STAU2: variants seen among roughly 807,000 people sequenced by gnomAD.
The protein encoded by STAU2 is staufen double-stranded RNA binding protein 2, also known as double-stranded RNA-binding protein Staufen homolog 2.
STAU2 carries 20 observed loss-of-function variants against 65.9 expected under a neutral mutation model. The observed-to-expected ratio is 0.30, with a 90% CI of 0.21 to 0.44. STAU2 has a LOEUF of 0.44. Ranked by LOEUF, STAU2 falls within the 20% of genes least tolerant of loss-of-function variation. The pLI is 1.00. For synonymous variants in STAU2, 232 were observed against 233.9 expected (o/e 0.99, Z 0.07); for missense variants, 558 against 683.9 (o/e 0.82, Z 2.05).
At chr8:73,602,714 C>T (rs1480810745) in intron 10 of STAU2, among the ~76,000 whole-genome samples, 1 of 149,290 alleles carries the variant, frequency 6.7e-6, no homozygotes, top group Non-Finnish European at 1.5e-5. Context: ...CAGAACAAGA[C>T]CCTGTTGCCC....
At chr8:73,674,213 G>C (rs904101150) in intron 5 of STAU2, among the ~76,000 whole-genome samples, 1 of 149,966 alleles carries the variant, frequency 6.7e-6, no homozygotes, top group African/African-American at 2.4e-5. Context: ...TTGAAAACAT[G>C]AATTTTTTGC....
chr8:73,684,951 T>G (rs1448192788), intron 5 of STAU2, among the ~76,000 whole-genome samples: 1 of 152,176 alleles, frequency 6.6e-6, no homozygotes, highest in African/African-American at 2.4e-5. Context: ...CATCTTGAAT[T>G]GTAATCCCCA....
At chr8:73,476,360 G>T (rs982810618) in intron 13 of STAU2, among the ~76,000 whole-genome samples, 2 of 152,122 alleles carry the variant, frequency 1.3e-5, no homozygotes, top group African/African-American at 4.8e-5. Flanking sequence ...ATTTCTATTT[G>T]TAAATGGTAA....
chr8:73,686,609 G>A (rs1818847042), intron 5 of STAU2, among the ~76,000 whole-genome samples: 1 of 151,534 alleles, frequency 6.6e-6, no homozygotes, highest in South Asian at 2.1e-4. Flanking sequence ...GGGAATGAGG[G>A]GTAAAGACTA....
intron 13 of STAU2, among the ~76,000 whole-genome samples, chr8:73,443,962 T>C (rs146324625): frequency 2.2e-4 from 34 of 152,126 alleles, no homozygotes; most frequent in African/African-American, 8.0e-4. Flanking sequence ...CCCAAGTAGG[T>C]GTTCCTGGGC....
chr8:73,744,436 C>G (rs531378971), intron 1 of STAU2, among the ~76,000 whole-genome samples: 1 of 144,768 alleles, frequency 6.9e-6, no homozygotes, highest in Admixed American at 7.2e-5. Context: ...CAGCACTGAA[C>G]GTGCACAAAA....
chr8:73,547,910 A>G (rs775201440), intron 13 of STAU2, among the ~76,000 whole-genome samples: 8 of 151,804 alleles, frequency 5.3e-5, no homozygotes, highest in Non-Finnish European at 1.0e-4. Context: ...AAAAGAATTG[A>G]AAAAAAACCA....
intron 4 of STAU2, among the ~76,000 whole-genome samples, chr8:73,700,634 A>T (rs1396987440): frequency 6.6e-6 from 1 of 152,128 alleles, no homozygotes; most frequent in Non-Finnish European, 1.5e-5. Flanking sequence ...GATCTCTACA[A>T]TGAAAACTAT....
rs34533172 is a variant in STAU2, at chr8:73,591,882, TAAAAAAAAAAAAAAA to T, written c.1161+3269_1161+3283del. On this transcript the variant is annotated intron_variant, in intron 11 of 14. Transcript: ENST00000524300. ...ACCCATACAGCGTGTATCCCAGAGG[TAAAAAAAAAAAAAAA>T]AAAAAAAAAAAAAAAAACAAGAGAG... is the stretch of plus-strand genomic sequence containing the variant. 3.3e-3 allele frequency among the ~76,000 whole-genome samples: 93 copies of T among 28,488 alleles called. 3 individuals are homozygous for T. Among genetic ancestry groups the T allele is most frequent in the Admixed American group, 9.8e-3 (16 of 1,634 alleles). 18.7% of individuals were successfully genotyped at this position (28,488 alleles called of 152,430 possible).
intron 13 of STAU2, among the ~76,000 whole-genome samples, chr8:73,512,750 C>T (rs7818404): frequency 0.75 from 113,470 of 152,106 alleles, 42,983 homozygotes; most frequent in East Asian, 0.91. Flanking sequence ...CAAAGCTACA[C>T]GCTGATCTAT....
Position 73,545,635 on chromosome 8 carries a change from C to CTT in STAU2, c.1530+6375_1530+6376dup, listed in dbSNP as rs59727847. Among the ~76,000 whole-genome samples, 52 of 136,920 alleles carry CTT rather than the reference C, an allele frequency of 3.8e-4. 1 individual carries two copies. Among genetic ancestry groups the CTT allele is most frequent in the South Asian group, 1.2e-3 (5 of 4,332 alleles). 89.8% of individuals were successfully genotyped at this position (136,920 alleles called of 152,430 possible). Reference sequence around the variant, plus strand: ...CTTCCATCTCAAAGGAGTCAGAATTCTTTTTTTTTTTTTTTTAATATATAT... The same window carrying CTT: ...CTTCCATCTCAAAGGAGTCAGAATTCTTTTTTTTTTTTTTTTTTAATATATAT... On this transcript the variant is annotated intron_variant, in intron 13 of 14. Coordinates refer to ENST00000524300, the MANE Select transcript of STAU2 (RefSeq NM_001164380.2).
chr8:73,657,146 C>T (rs1470668095), intron 6 of STAU2, among the ~76,000 whole-genome samples: 1 of 152,146 alleles, frequency 6.6e-6, no homozygotes, highest in Non-Finnish European at 1.5e-5. Context: ...ACACATCACT[C>T]TCAGTACAAC....
intron 12 of STAU2, among the ~76,000 whole-genome samples, chr8:73,572,716 C>T (rs545894081): frequency 6.6e-6 from 1 of 152,140 alleles, no homozygotes; most frequent in Non-Finnish European, 1.5e-5. Flanking sequence ...GCTAAAAACT[C>T]TGAAAAAACT....
At chr8:73,539,054 T>TAA (rs1806358328) in intron 13 of STAU2, among the ~76,000 whole-genome samples, 1 of 152,182 alleles carries the variant, frequency 6.6e-6, no homozygotes, top group African/African-American at 2.4e-5. Context: ...CAGGAGAGGC[T>TAA]ACTGCCCCAG....
At chr8:73,475,359 C>G (rs1469235309) in intron 13 of STAU2, among the ~76,000 whole-genome samples, 1 of 152,184 alleles carries the variant, frequency 6.6e-6, no homozygotes, top group Non-Finnish European at 1.5e-5. Flanking sequence ...CATCTGTTCT[C>G]AAACCCCCTG....
chr8:73,481,529 C>T (rs375843040), intron 13 of STAU2, among the ~76,000 whole-genome samples: 1 of 78,094 alleles, frequency 1.3e-5, no homozygotes, highest in African/African-American at 5.1e-5. Context: ...AAAAAAAAAA[C>T]ACTTTTTTTG....
intron 12 of STAU2, among the ~76,000 whole-genome samples, chr8:73,554,935 A>G (rs2128945124): frequency 6.6e-6 from 1 of 152,292 alleles, no homozygotes; most frequent in South Asian, 2.1e-4. Flanking sequence ...TGATCCCAAC[A>G]CATCTTTATT....
intron 13 of STAU2, among the ~76,000 whole-genome samples, chr8:73,431,752 G>A (rs1379408575): frequency 1.3e-5 from 2 of 152,116 alleles, no homozygotes; most frequent in Non-Finnish European, 2.9e-5. Flanking sequence ...GCGCACGCAC[G>A]CCTGTGTGTG....
chr8:73,716,241 A>T (rs1456212797), intron 3 of STAU2, among the ~76,000 whole-genome samples: 1 of 152,028 alleles, frequency 6.6e-6, no homozygotes, highest in African/African-American at 2.4e-5. Context: ...GGCGCCCGCC[A>T]CCACGCCCAG....
Sources: gnomAD v4.1 joint callset for allele counts (sites outside exome capture counted in the v4.1 genomes callset) on GRCh38, gnomAD v4.1.1 for gene constraint, MANE v1.5 for transcripts, NCBI Gene and HGNC (gene_info 2026-07-23, HGNC 2026-07-21) for gene names.